SLC25A20: variants seen among roughly 807,000 people sequenced by gnomAD.
SLC25A20 encodes the protein solute carrier family 25 member 20.
Under a neutral mutation model 39.7 loss-of-function variants are expected in SLC25A20, and 29 were observed. The observed-to-expected ratio is 0.73, with a 90% confidence interval of 0.54 to 1.00. The LOEUF (loss-of-function observed/expected upper bound fraction) is 1.00, where lower values mean the gene tolerates loss of function less well. Among genes scored for constraint, SLC25A20 ranks in the 50% least tolerant of loss-of-function variants. The pLI, the probability that SLC25A20 is intolerant of heterozygous loss-of-function variation, is 0.00. For missense variants in SLC25A20, 333 were observed against 379.9 expected (o/e 0.88, Z 1.03); for synonymous variants, 103 against 142.2 (o/e 0.72, Z 1.96).
intron 8 of SLC25A20, among the ~76,000 whole-genome samples, 170 bp from the exon 9 acceptor site, chr3:48,857,942 A>G (rs1268695461): frequency 6.6e-6 from 1 of 151,840 alleles, no homozygotes; most frequent in Non-Finnish European, 1.5e-5. Flanking sequence ...AGGAGAAGAA[A>G]ATTTATATTC....
intron 4 of SLC25A20, among the ~76,000 whole-genome samples, chr3:48,872,762 C>T (rs2083726134): frequency 6.6e-6 from 1 of 151,776 alleles, no homozygotes; most frequent in Admixed American, 6.6e-5. Flanking sequence ...ACTCAGGAGG[C>T]TGAGGCAGAA....
rs1054544602 is a variant in SLC25A20, at chr3:48,857,206, A to G, written c.*504T>C. On this transcript the variant is annotated 3_prime_UTR_variant, in exon 9 of 9. Transcript: ENST00000319017. ...GCATATATGCTCAATCCACTTGGAC[A>G]CAGAGGTGGGCCTCAAGTCCATATC... 1 of 166,058 alleles carries G rather than the reference A, an allele frequency of 6.0e-6. No individual in the cohort carries two copies. Among genetic ancestry groups the G allele is most frequent in the African/African-American group, 2.4e-5 (1 of 41,774 alleles). 10.3% of individuals were successfully genotyped at this position (166,058 alleles called of 1,614,324 possible). A position where few individuals can be genotyped will look rare whatever the true frequency, so the allele number is the denominator to read the frequency against.
intron 1 of SLC25A20, 65 bp downstream of exon 1, chr3:48,898,625 G>A (rs1004038067): frequency 6.9e-7 from 1 of 1,439,298 alleles, no homozygotes; most frequent in Non-Finnish European, 9.6e-7. Context: ...CGCCTCGCGG[G>A]GGACCATGCT....
intron 1 of SLC25A20, 46 bp downstream of exon 1, chr3:48,898,644 C>T: frequency 1.3e-6 from 2 of 1,533,698 alleles, no homozygotes; most frequent in South Asian, 1.2e-5. Context: ...CTTTCCGCGC[C>T]CCGCCCGGGC....
intron 3 of SLC25A20, among the ~76,000 whole-genome samples, chr3:48,879,765 G>A (rs1288103284): frequency 6.6e-6 from 1 of 152,070 alleles, no homozygotes; most frequent in African/African-American, 2.4e-5. Flanking sequence ...CCATCCATGC[G>A]CCTGCCAGGC....
chr3:48,875,854 A>AAAAAATAAACAAAACT (rs1191219623), intron 4 of SLC25A20, among the ~76,000 whole-genome samples: 18 of 151,706 alleles, frequency 1.2e-4, no homozygotes, highest in African/African-American at 4.4e-4. Context: ...CCCATCTCTA[A>AAAAAATAAACAAAACT]AAAAATAAAC....
chr3:48,878,908 C>G (rs1220980307), intron 4 of SLC25A20, among the ~76,000 whole-genome samples: 3 of 151,704 alleles, frequency 2.0e-5, no homozygotes, highest in East Asian at 1.9e-4. Flanking sequence ...GAGTCTTGCT[C>G]TCATGCCCAG....
At chr3:48,890,856 G>T (rs965022358) in intron 2 of SLC25A20, among the ~76,000 whole-genome samples, 2 of 150,992 alleles carry the variant, frequency 1.3e-5, no homozygotes, top group South Asian at 4.2e-4. Context: ...GGGTTTCACC[G>T]TGTTAGCCAG....
chr3:48,861,544 T>C (rs1473117506), intron 5 of SLC25A20, among the ~76,000 whole-genome samples: 1 of 151,954 alleles, frequency 6.6e-6, no homozygotes, highest in African/African-American at 2.4e-5. Context: ...CTGGCCAACA[T>C]AGTGAAACCC....
At chr3:48,883,094 C>G (rs2083805893) in intron 3 of SLC25A20, among the ~76,000 whole-genome samples, 1 of 151,700 alleles carries the variant, frequency 6.6e-6, no homozygotes, top group South Asian at 2.1e-4. Flanking sequence ...AGTTGGAAGG[C>G]TGAGGCAGGA....
chr3:48,859,478 G>A (rs1429160462), intron 6 of SLC25A20, 77 bp downstream of exon 6: 1 of 1,212,800 alleles, frequency 8.2e-7, no homozygotes, highest in Non-Finnish European at 1.2e-6. Flanking sequence ...AACTACTTCT[G>A]CTTTCAGATT....
intron 3 of SLC25A20, among the ~76,000 whole-genome samples, chr3:48,883,277 GCA>G (rs527436825): frequency 1.2e-3 from 184 of 152,060 alleles, no homozygotes; most frequent in African/African-American, 4.3e-3. Context: ...GTTGGGCCAG[GCA>G]CAGTGGCACA....
At chr3:48,861,583 C>G (rs2083628189) in intron 5 of SLC25A20, among the ~76,000 whole-genome samples, 1 of 151,554 alleles carries the variant, frequency 6.6e-6, no homozygotes, top group Non-Finnish European at 1.5e-5. Flanking sequence ...AAAAATTAGC[C>G]AGGCATGGTG....
At chr3:48,891,857 G>A in intron 2 of SLC25A20, 123 bp downstream of exon 2, 1 of 816,210 alleles carries the variant, frequency 1.2e-6, no homozygotes, top group East Asian at 2.5e-5. Context: ...CGTGGTGAAG[G>A]AGCGGCAGCT....
In SLC25A20 at chr3:48,858,526, C is replaced by G; in HGVS notation, c.824G>C (p.Arg275Pro). Residue 275 changes from arginine (R) to proline (P), a missense_variant, in exon 8 of 9, where the codon CGA becomes CCA. Coordinates refer to ENST00000319017, the MANE Select transcript of SLC25A20 (RefSeq NM_000387.6). The part of the protein sequence containing the change: ...LYKGFNAVMI[R>P]AFPANAACFL... The stretch of plus-strand genomic sequence containing the variant: ...ACTCACCGCATTGGCTGGGAAGGCT[C>G]GGATCATCACTGCATTGAACCCTTT... 3.7e-6 allele frequency: 6 copies of G among 1,614,186 alleles called. No homozygotes were observed. The highest frequency in any genetic ancestry group is 5.1e-6 in the Non-Finnish European group (6 of 1,180,034).
intron 7 of SLC25A20, 84 bp from the exon 8 acceptor site, chr3:48,858,715 G>A: frequency 2.6e-6 from 4 of 1,560,410 alleles, no homozygotes; most frequent in South Asian, 2.2e-5. Flanking sequence ...ACTAGCACAG[G>A]GAAAGGACAC....
At chr3:48,892,506 C>T (rs1189833028) in intron 1 of SLC25A20, among the ~76,000 whole-genome samples, 1 of 152,108 alleles carries the variant, frequency 6.6e-6, no homozygotes, top group Non-Finnish European at 1.5e-5. Flanking sequence ...TTGGCTCATA[C>T]AATTATAAAG....
At chr3:48,869,944 C>G (rs2083701795) in intron 4 of SLC25A20, among the ~76,000 whole-genome samples, 1 of 151,444 alleles carries the variant, frequency 6.6e-6, no homozygotes, top group African/African-American at 2.4e-5. Flanking sequence ...AAAGGAAGAG[C>G]CTGTCTCTAC....
chr3:48,882,772 C>G (rs1259584475), intron 3 of SLC25A20, among the ~76,000 whole-genome samples: 1 of 152,060 alleles, frequency 6.6e-6, no homozygotes, highest in African/African-American at 2.4e-5. Flanking sequence ...GCCTGTAGTC[C>G]CAGCTACTTG....
Sources: gnomAD v4.1 joint callset for allele counts (sites outside exome capture counted in the v4.1 genomes callset) on GRCh38, gnomAD v4.1.1 for gene constraint, MANE v1.5 for transcripts, NCBI Gene and HGNC (gene_info 2026-07-23, HGNC 2026-07-21) for gene names.